Variants in PXDNL observed in about 807,000 individuals in gnomAD.
The protein encoded by PXDNL is peroxidasin like, also known as probable oxidoreductase PXDNL.
Under a neutral mutation model 150.8 loss-of-function variants are expected in PXDNL, and 145 were observed. The ratio of observed to expected loss-of-function variants is 0.96; its 90% confidence interval spans 0.84 to 1.10. PXDNL has a LOEUF of 1.10. Among genes scored for constraint, PXDNL ranks in the 50% least tolerant of loss-of-function variants. The pLI is 0.00. For missense variants in PXDNL, 2,087 were observed against 1,873.9 expected, an observed-to-expected ratio of 1.11 and a Z score of -2.10; for synonymous variants, 757 against 725.7, an observed-to-expected ratio of 1.04 and a Z score of -0.69.
At chr8:51,549,887 CA>C (rs966933413) in intron 4 of PXDNL, among the ~76,000 whole-genome samples, 3 of 151,820 alleles carry the variant, frequency 2.0e-5, no homozygotes, top group Non-Finnish European at 2.9e-5. Context: ...GACACAAAAA[CA>C]AAAAGCTGGT....
intron 2 of PXDNL, among the ~76,000 whole-genome samples, chr8:51,615,534 GA>G (rs199989436): frequency 0.024 from 3,642 of 152,102 alleles, 57 homozygotes; most frequent in Non-Finnish European, 0.035. Context: ...AGTCTGGGGG[GA>G]AAAGAGAGGA....
intron 19 of PXDNL, among the ~76,000 whole-genome samples, chr8:51,364,490 T>C (rs904242840): frequency 1.3e-5 from 2 of 152,232 alleles, no homozygotes; most frequent in Non-Finnish European, 2.9e-5. Flanking sequence ...CTCTTATCTT[T>C]CTATTTTTTT....
chr8:51,755,510 T>G (rs1242639572), intron 1 of PXDNL, among the ~76,000 whole-genome samples: 1 of 152,162 alleles, frequency 6.6e-6, no homozygotes, highest in Admixed American at 6.5e-5. Context: ...CAGGCTGGTC[T>G]CAAACTCCTG....
chr8:51,533,378 T>G (rs768184039), intron 4 of PXDNL, among the ~76,000 whole-genome samples: 1 of 152,036 alleles, frequency 6.6e-6, no homozygotes, highest in Admixed American at 6.5e-5. Flanking sequence ...CTTGAACTCC[T>G]GACCTCAGGT....
intron 4 of PXDNL, among the ~76,000 whole-genome samples, chr8:51,552,913 G>A (rs903639345): frequency 1.3e-5 from 2 of 152,186 alleles, no homozygotes; most frequent in African/African-American, 4.8e-5. Flanking sequence ...TTCATCCTGA[G>A]GCAAATTTCC....
chr8:51,638,654 T>C (rs547081046), intron 2 of PXDNL, among the ~76,000 whole-genome samples: 1 of 152,214 alleles, frequency 6.6e-6, no homozygotes, highest in South Asian at 2.1e-4. Context: ...GAGCTAACTA[T>C]CCTAAATATA....
chr8:51,607,974 G>T (rs1302910241), intron 2 of PXDNL, among the ~76,000 whole-genome samples: 1 of 131,484 alleles, frequency 7.6e-6, no homozygotes, highest in African/African-American at 3.3e-5. Flanking sequence ...AGAAAGAAAG[G>T]AAGGAAGGAA....
intron 1 of PXDNL, among the ~76,000 whole-genome samples, chr8:51,774,343 TACTA>T (rs554869730): frequency 5.1e-4 from 78 of 152,348 alleles, no homozygotes; most frequent in East Asian, 5.0e-3. Flanking sequence ...AAATATTTTT[TACTA>T]ACTATCATTT....
chr8:51,391,430 C>T (rs1477371705), intron 17 of PXDNL, among the ~76,000 whole-genome samples: 4 of 152,130 alleles, frequency 2.6e-5, no homozygotes, highest in African/African-American at 9.7e-5. Context: ...TAATGATCGT[C>T]ATTCTAACTG....
At chr8:51,404,958 G>C (rs562198556) in intron 17 of PXDNL, among the ~76,000 whole-genome samples, 1 of 152,178 alleles carries the variant, frequency 6.6e-6, no homozygotes, top group African/African-American at 2.4e-5. Context: ...CTGCAGGTCC[G>C]AGTCCTGCCC....
chr8:51,713,894 C>T (rs1049841661), intron 1 of PXDNL, among the ~76,000 whole-genome samples: 50 of 152,126 alleles, frequency 3.3e-4, no homozygotes, highest in African/African-American at 1.2e-3. Context: ...ACCAAAAAAA[C>T]CCACAATCTT....
chr8:51,729,975 G>T (rs1166449162), intron 1 of PXDNL, among the ~76,000 whole-genome samples: 2 of 152,190 alleles, frequency 1.3e-5, no homozygotes, highest in Non-Finnish European at 2.9e-5. Context: ...GGTTAGAAGA[G>T]AAGGGGGAAG....
Position 51,377,105 on chromosome 8 carries a change from T to TACACACACACACAC in PXDNL, c.3558-2388_3558-2375dup, listed in dbSNP as rs772419401. Among the ~76,000 whole-genome samples the TACACACACACACAC allele has an allele frequency of 6.0e-3, 838 of 140,686 alleles. 7 individuals are homozygous for TACACACACACACAC. The highest frequency in any genetic ancestry group is 9.1e-3 in the Admixed American group (128 of 14,114). 92.3% of individuals were successfully genotyped at this position (140,686 alleles called of 152,430 possible). A position where few individuals can be genotyped will look rare whatever the true frequency, so the allele number is the denominator to read the frequency against. ...AAATCTGAAGTGGCACTCTACCCTT[T>TACACACACACACAC]ACACACACACACACACACACACACA... On this transcript the variant is annotated intron_variant, in intron 17 of 22. Coordinates refer to ENST00000356297, the MANE Select transcript of PXDNL (RefSeq NM_144651.5).
intron 4 of PXDNL, among the ~76,000 whole-genome samples, chr8:51,504,748 T>C (rs1166902337): frequency 1.3e-5 from 2 of 152,272 alleles, no homozygotes; most frequent in African/African-American, 4.8e-5. Flanking sequence ...AGTCAGTACA[T>C]AGTTGATCAC....
chr8:51,521,218 A>G (rs1811656262), intron 4 of PXDNL, among the ~76,000 whole-genome samples: 1 of 152,172 alleles, frequency 6.6e-6, no homozygotes, highest in Non-Finnish European at 1.5e-5. Flanking sequence ...CTGTAGTCTG[A>G]GTGACAGAAT....
intron 5 of PXDNL, among the ~76,000 whole-genome samples, chr8:51,496,533 G>A (rs893801699): frequency 2.0e-5 from 3 of 152,090 alleles, no homozygotes; most frequent in Non-Finnish European, 4.4e-5. Context: ...AGAAAACCCC[G>A]TCGTCTCAGC....
At chr8:51,417,832 T>C (rs1808837646) in intron 14 of PXDNL, among the ~76,000 whole-genome samples, 1 of 152,156 alleles carries the variant, frequency 6.6e-6, no homozygotes, top group Non-Finnish European at 1.5e-5. Flanking sequence ...AGAGAATCTG[T>C]CTTACTCATC....
chr8:51,397,943 A>G (rs1003060335), intron 17 of PXDNL, among the ~76,000 whole-genome samples: 2 of 152,072 alleles, frequency 1.3e-5, no homozygotes, highest in East Asian at 1.9e-4. Flanking sequence ...GTGAAGACAC[A>G]TAGTTAATTA....
In PXDNL at chr8:51,614,185, T is replaced by C. The variant is rs908501307; in HGVS notation, c.237-21487A>G. Among the ~76,000 whole-genome samples, 10 of 152,262 alleles carry C rather than the reference T, an allele frequency of 6.6e-5. No homozygotes were observed. The South Asian group carries it at 1.4e-3, about 22-fold the overall frequency. On this transcript the variant is annotated intron_variant, in intron 2 of 22. Coordinates refer to ENST00000356297, the MANE Select transcript of PXDNL (RefSeq NM_144651.5). ...ACAGATCAGTCAGCACCAGTCATTC[T>C]CTTATAATTTATCTTCCATTACTCT...
Sources: allele counts gnomAD v4.1 joint callset (sites outside exome capture counted in the v4.1 genomes callset), GRCh38; gene constraint gnomAD v4.1.1; transcripts MANE v1.5; gene names NCBI Gene and HGNC (gene_info 2026-07-23, HGNC 2026-07-21).